TOX: variants seen among roughly 807,000 people sequenced by gnomAD.
The protein encoded by TOX is thymocyte selection-associated high mobility group box protein TOX.
TOX carries 11 observed loss-of-function variants against 53.7 expected under a neutral mutation model. The ratio of observed to expected loss-of-function variants is 0.20; its 90% confidence interval spans 0.13 to 0.34. TOX has a LOEUF of 0.34. Ranked by LOEUF, TOX falls within the 10% of genes least tolerant of loss-of-function variation. TOX has a pLI of 1.00. For missense variants in TOX, 570 were observed against 664.6 expected (o/e 0.86, Z 1.56); for synonymous variants, 225 against 245.3 (o/e 0.92, Z 0.77).
At chr8:59,015,104 C>A (rs138836424) in intron 1 of TOX, among the ~76,000 whole-genome samples, 4 of 152,328 alleles carry the variant, frequency 2.6e-5, no homozygotes, top group African/African-American at 9.6e-5. Flanking sequence ...CAATTTAAAT[C>A]TAAATGTCAA....
chr8:58,974,021 C>T (rs1813049460), intron 1 of TOX, among the ~76,000 whole-genome samples: 1 of 152,124 alleles, frequency 6.6e-6, no homozygotes, highest in Non-Finnish European at 1.5e-5. Context: ...TGGTCTTGAA[C>T]TCCTGACCTC....
chr8:58,892,520 C>A (rs1811574946), intron 3 of TOX, among the ~76,000 whole-genome samples: 1 of 152,074 alleles, frequency 6.6e-6, no homozygotes, highest in Admixed American at 6.6e-5. Flanking sequence ...AATATTGTAT[C>A]CAAAACAGAT....
chr8:58,911,255 A>G, intron 3 of TOX, among the ~76,000 whole-genome samples: 1 of 152,146 alleles, frequency 6.6e-6, no homozygotes, highest in Non-Finnish European at 1.5e-5. Flanking sequence ...TCAGTTTGGG[A>G]CGAGTGTAGT....
At chr8:58,911,389 T>G (rs1280039524) in intron 3 of TOX, among the ~76,000 whole-genome samples, 1 of 152,220 alleles carries the variant, frequency 6.6e-6, no homozygotes. Context: ...TACCCCAAAC[T>G]TTATTCCAAT....
At chr8:59,057,676 T>TTA (rs1170494170) in intron 1 of TOX, among the ~76,000 whole-genome samples, 3 of 152,176 alleles carry the variant, frequency 2.0e-5, no homozygotes, top group Non-Finnish European at 2.9e-5. Flanking sequence ...ATATTTATAA[T>TTA]TATATATATG....
Position 58,838,073 on chromosome 8 carries a change from T to G in TOX, c.924+8A>C. ...ATGTAGATTCCCATTCCACTGGGAA[T>G]CCCTTACCTGTTTTTGCTCTTCTCC... On this transcript the variant is annotated splice_region_variant and intron_variant, in intron 5 of 8. Transcript: ENST00000361421. 1 of 1,612,788 alleles carries G rather than the reference T, an allele frequency of 6.2e-7. No individual in the cohort carries two copies. The highest frequency in any genetic ancestry group is 8.5e-7 in the Non-Finnish European group (1 of 1,178,992).
intron 7 of TOX, among the ~76,000 whole-genome samples, chr8:58,813,495 C>A (rs1165795585): frequency 6.6e-6 from 1 of 152,176 alleles, no homozygotes; most frequent in Non-Finnish European, 1.5e-5. Context: ...TCCTCCAAAC[C>A]ATTAATTCTT....
At chr8:58,861,133 C>T (rs181268523) in intron 3 of TOX, among the ~76,000 whole-genome samples, 2 of 152,222 alleles carry the variant, frequency 1.3e-5, no homozygotes, top group South Asian at 2.1e-4. Context: ...TCCTGCCCAG[C>T]GAAAATAAAG....
At chr8:58,856,414 A>G (rs766846687) in intron 3 of TOX, among the ~76,000 whole-genome samples, 2 of 152,194 alleles carry the variant, frequency 1.3e-5, no homozygotes, top group Non-Finnish European at 2.9e-5. Flanking sequence ...TTCAAAAAAT[A>G]TTTGCTGTGT....
At chr8:58,959,316 T>C (rs28692477) in intron 2 of TOX, among the ~76,000 whole-genome samples, 46,769 of 152,186 alleles carry the variant, frequency 0.31, 8,101 homozygotes, top group Non-Finnish European at 0.38. Flanking sequence ...CTTTTATAAG[T>C]GTAACCATTT....
intron 3 of TOX, among the ~76,000 whole-genome samples, chr8:58,891,941 C>G (rs11784291): frequency 0.09 from 13,704 of 152,110 alleles, 882 homozygotes; most frequent in South Asian, 0.18. Context: ...GTCAGCTACT[C>G]GCATCACCCG....
rs141050769 is a variant in TOX, at chr8:58,825,949, A to C, written c.1005+873T>G. Among the ~76,000 whole-genome samples the C allele has an allele frequency of 7.2e-5, 11 of 152,350 alleles. No homozygotes were observed. In the East Asian group the frequency reaches 2.1e-3, roughly 29 times the overall value. On this transcript the variant is annotated intron_variant, in intron 6 of 8. Transcript: ENST00000361421. ...CAGTGCCATACCTTAGAAGTAGAAC[A>C]TAAGACTGGATTAGACAAATAGTTT...
At chr8:58,938,906 C>A (rs933943320) in intron 3 of TOX, among the ~76,000 whole-genome samples, 1 of 152,170 alleles carries the variant, frequency 6.6e-6, no homozygotes, top group African/African-American at 2.4e-5. Flanking sequence ...GAAGGAAAAT[C>A]AAGGTTAACA....
At chr8:58,864,178 G>T (rs912398960) in intron 3 of TOX, among the ~76,000 whole-genome samples, 1 of 152,190 alleles carries the variant, frequency 6.6e-6, no homozygotes, top group South Asian at 2.1e-4. Context: ...CCAATGATAA[G>T]GATGAGTTTA....
In TOX at chr8:58,897,215, C is replaced by G. The variant is rs146858179; in HGVS notation, c.411+42087G>C. ...CCTGCCTTTCCCAGATGATGATCAT[C>G]ATTTTCTCCAATTACCACTCACACC... On this transcript the variant is annotated intron_variant, in intron 3 of 8. Transcript: ENST00000361421. Among the ~76,000 whole-genome samples the G allele has an allele frequency of 7.1e-3, 1,082 of 152,256 alleles. 13 individuals are homozygous for G. Among genetic ancestry groups the G allele is most frequent in the African/African-American group, 0.025 (1,028 of 41,528 alleles).
intron 1 of TOX, among the ~76,000 whole-genome samples, chr8:59,115,777 A>T (rs543387118): frequency 6.6e-6 from 1 of 152,276 alleles, no homozygotes; most frequent in South Asian, 2.1e-4. Flanking sequence ...TGCCTCACAC[A>T]CTTGCCTTAA....
chr8:58,942,427 G>T (rs1812458310), intron 2 of TOX, among the ~76,000 whole-genome samples: 1 of 152,114 alleles, frequency 6.6e-6, no homozygotes, highest in Non-Finnish European at 1.5e-5. Flanking sequence ...TAGTTATGTG[G>T]ATCAAGAATT....
chr8:59,047,320 C>CA (rs1199633074), intron 1 of TOX, among the ~76,000 whole-genome samples: 1 of 146,812 alleles, frequency 6.8e-6, no homozygotes, highest in Non-Finnish European at 1.5e-5. Context: ...GGGTTCATGC[C>CA]ATTCTCCTGC....
chr8:58,819,457 T>C (rs1477029355), intron 6 of TOX, among the ~76,000 whole-genome samples: 1 of 152,228 alleles, frequency 6.6e-6, no homozygotes. Flanking sequence ...TTCTCTTTCC[T>C]ATTTGCATTT....
Sources: gnomAD v4.1 joint callset for allele counts (sites outside exome capture counted in the v4.1 genomes callset) on GRCh38, gnomAD v4.1.1 for gene constraint, MANE v1.5 for transcripts, NCBI Gene and HGNC (gene_info 2026-07-23, HGNC 2026-07-21) for gene names.